The following PREPL variants were observed in gnomAD, a reference collection of about 807,000 sequenced individuals.
The protein encoded by PREPL is prolyl endopeptidase-like.
Under a neutral mutation model 70.6 loss-of-function variants are expected in PREPL, and 77 were observed. The ratio of observed to expected loss-of-function variants is 1.09; its 90% CI spans 0.91 to 1.32. PREPL has a LOEUF of 1.32. PREPL is among the 40% of genes most tolerant of loss of function. The pLI, the probability that PREPL is intolerant of heterozygous loss-of-function variation, is 0.00. For missense variants in PREPL, 1,002 were observed against 778.2 expected, an observed-to-expected ratio of 1.29 and a Z score of -3.42; for synonymous variants, 315 against 264.8, an observed-to-expected ratio of 1.19 and a Z score of -1.84.
At position 44,332,666 on chromosome 2, in the gene PREPL, T is replaced by A; in HGVS notation, c.889-10A>T. On this transcript the variant is annotated splice_polypyrimidine_tract_variant and intron_variant, in intron 7 of 13. Coordinates refer to ENST00000409411, the MANE Select transcript of PREPL (RefSeq NM_001171613.2). ...AGGCCCAAGGAGGGAGCTAAAGAAA[T>A]ACAACAGCTATTTTTATTCTTTATT... 1 of 1,585,178 alleles carries A rather than the reference T, an allele frequency of 6.3e-7. No homozygotes were observed. Among genetic ancestry groups the A allele is most frequent in the Non-Finnish European group, 8.6e-7 (1 of 1,163,476 alleles).
At chr2:44,341,868 T>C (rs1333786929) in intron 5 of PREPL, among the ~76,000 whole-genome samples, 1 of 152,122 alleles carries the variant, frequency 6.6e-6, no homozygotes, top group Admixed American at 6.5e-5. Flanking sequence ...AGCACAATAA[T>C]ACATTTTTGA....
At chr2:44,327,033 G>T in intron 9 of PREPL, 105 bp from the exon 10 acceptor site, 1 of 924,906 alleles carries the variant, frequency 1.1e-6, no homozygotes, top group Middle Eastern at 2.2e-4. Flanking sequence ...TGGCCCTGGA[G>T]CTAAGACTGG....
intron 7 of PREPL, among the ~76,000 whole-genome samples, chr2:44,335,063 T>A (rs1220174331): frequency 2.6e-5 from 4 of 152,194 alleles, no homozygotes; most frequent in Non-Finnish European, 5.9e-5. Flanking sequence ...ATATACCAGG[T>A]ACTAACCAGA....
At position 44,343,919 on chromosome 2, in the gene PREPL, A is replaced by C; in HGVS notation, c.175T>G (p.Leu59Val). 6.2e-7 allele frequency: 1 copy of C among 1,614,042 alleles called. No individual in the cohort carries two copies. The highest frequency in any genetic ancestry group is 8.5e-7 in the Non-Finnish European group (1 of 1,179,944). Residue 59 changes from leucine to valine, a missense_variant, in exon 4 of 14, where the codon TTG becomes GTG. Physicochemically the swap from Leu to Val is conservative, Grantham distance 32. Coordinates refer to ENST00000409411, the MANE Select transcript of PREPL (RefSeq NM_001171613.2). ...GGCTGGTCTAACTTAAGTTCCTCCA[A>C]ATTGAATAAAACTTCATAATTATCA... is the stretch of plus-strand genomic sequence containing the variant. Reference protein sequence around the residue: ...DNDNYEVLFNLEELKLDQPFI... With the variant: ...DNDNYEVLFNVEELKLDQPFI...
intron 7 of PREPL, 147 bp from the exon 8 acceptor site, chr2:44,332,803 T>C: frequency 3.2e-6 from 2 of 621,902 alleles, no homozygotes; most frequent in South Asian, 4.7e-5. Context: ...GATTACTTTA[T>C]CACAACAACA....
intron 2 of PREPL, 57 bp from the exon 3 acceptor site, chr2:44,344,643 C>A: frequency 7.6e-7 from 1 of 1,308,846 alleles, no homozygotes; most frequent in African/African-American, 1.5e-5. Flanking sequence ...TTTTCATAGT[C>A]TGACTATTCA....
chr2:44,322,638 A>G, intron 12 of PREPL, 93 bp downstream of exon 12: 1 of 1,462,930 alleles, frequency 6.8e-7, no homozygotes, highest in Non-Finnish European at 9.2e-7. Context: ...TGGGCAGATG[A>G]TTTGGCTACA....
intron 5 of PREPL, 45 bp from the exon 6 acceptor site, chr2:44,339,408 G>T: frequency 6.2e-7 from 1 of 1,600,860 alleles, no homozygotes; most frequent in Non-Finnish European, 8.5e-7. Flanking sequence ...TATTTCAGAT[G>T]CATGCTACCT....
intron 13 of PREPL, 97 bp from the exon 14 acceptor site, chr2:44,321,542 G>T: frequency 6.6e-7 from 1 of 1,523,006 alleles, no homozygotes. Flanking sequence ...ACCTAACCGT[G>T]AAGTCAGCAA....
chr2:44,326,452 C>T (rs953947330), intron 10 of PREPL, among the ~76,000 whole-genome samples: 1 of 148,050 alleles, frequency 6.8e-6, no homozygotes, highest in Non-Finnish European at 1.5e-5. Flanking sequence ...TCCACTGCAG[C>T]CTCAACCTCT....
chr2:44,337,701 T>G (rs575284843), intron 7 of PREPL, among the ~76,000 whole-genome samples: 5 of 152,188 alleles, frequency 3.3e-5, no homozygotes, highest in Non-Finnish European at 5.9e-5. Flanking sequence ...GGCAATAAGG[T>G]TGTCATTCAC....
chr2:44,321,385 C>T lies in PREPL; in HGVS notation c.1888G>A (p.Glu630Lys), dbSNP rs892455452. Residue 630 changes from glutamate (E) to lysine (K), a missense_variant, in exon 14 of 14, where the codon GAG becomes AAG. Physicochemically the swap from Glu to Lys is moderately conservative, Grantham distance 56. Transcript: ENST00000409411. Reference protein sequence around the residue: ...ELGLDSTSVFEDLKKYLKF With the variant: ...ELGLDSTSVFKDLKKYLKF ...AATTTCAGGTATTTCTTAAGATCCT[C>T]GAAAACACTGGTGCTGTCAAGTCCA... 30 of 1,611,948 alleles carry T rather than the reference C, an allele frequency of 1.9e-5. No individual in the cohort carries two copies. The highest frequency in any genetic ancestry group is 2.2e-5 in the East Asian group (1 of 44,862).
chr2:44,351,679 A>G (rs1676455804), intron 1 of PREPL, among the ~76,000 whole-genome samples: 2 of 152,116 alleles, frequency 1.3e-5, no homozygotes, highest in South Asian at 4.1e-4. Context: ...TTCTACTTTC[A>G]ACATATATTT....
At chr2:44,326,660 A>G (rs1326467100) in intron 10 of PREPL, 52 bp downstream of exon 10, 1 of 1,558,822 alleles carries the variant, frequency 6.4e-7, no homozygotes, top group South Asian at 1.1e-5. Context: ...AGAGTAGCCT[A>G]TGGCTTCACA....
In PREPL at chr2:44,321,845, A is replaced by T; in HGVS notation, c.1809T>A (p.Ile603=). The T allele has an allele frequency of 1.9e-6, 3 of 1,613,788 alleles. No individual in the cohort carries two copies. In the East Asian group the frequency reaches 6.7e-5, roughly 36 times the overall value. ...LDIQPGGNHV[I]EDSHKKITAQ... The stretch of plus-strand genomic sequence containing the variant: ...AACATACCTTTTTGTGAGAATCCTC[A>T]ATTACATGATTGCCTCCAGGCTGAA... Residue 603 remains isoleucine, a synonymous_variant, in exon 13 of 14, where the codon ATT becomes ATA. Coordinates refer to ENST00000409411, the MANE Select transcript of PREPL (RefSeq NM_001171613.2).
Position 44,352,369 on chromosome 2 carries a change from T to C in PREPL, c.-48-5979A>G, listed in dbSNP as rs149721921. On this transcript the variant is annotated intron_variant, in intron 1 of 13. Coordinates refer to ENST00000409411, the MANE Select transcript of PREPL (RefSeq NM_001171613.2). ...ACCTCTGCCTCCTGGGCTCAAGCAA[T>C]TGATCCTTGATCTCAGCTCTCAAGT... 4.0e-4 allele frequency among the ~76,000 whole-genome samples: 61 copies of C among 152,234 alleles called. 1 individual carries two copies. The East Asian group carries it at 0.012, about 29-fold the overall frequency.
At chr2:44,354,910 T>C (rs969446300) in intron 1 of PREPL, among the ~76,000 whole-genome samples, 4 of 152,142 alleles carry the variant, frequency 2.6e-5, no homozygotes, top group African/African-American at 9.7e-5. Flanking sequence ...ATCAGTAAGA[T>C]TACATACATG....
At position 44,320,063 on chromosome 2, in the gene PREPL, G is replaced by A. The variant is rs940131125; in HGVS notation, c.*1293C>T. 7.4e-6 allele frequency: 5 copies of A among 671,768 alleles called. No individual in the cohort carries two copies. The highest frequency in any genetic ancestry group is 1.3e-5 in the Non-Finnish European group (5 of 396,002). 41.6% of individuals were successfully genotyped at this position (671,768 alleles called of 1,614,324 possible). A position where few individuals can be genotyped will look rare whatever the true frequency, so the allele number is the denominator to read the frequency against. ...AAATTGTTCTTACCTACTTATTGATGCTTACAATTTGGCAATTATAAGGGG... is the reference window on the plus strand; with the variant it reads ...AAATTGTTCTTACCTACTTATTGATACTTACAATTTGGCAATTATAAGGGG... On this transcript the variant is annotated 3_prime_UTR_variant, in exon 14 of 14. Coordinates refer to ENST00000409411, the MANE Select transcript of PREPL (RefSeq NM_001171613.2).
intron 5 of PREPL, among the ~76,000 whole-genome samples, chr2:44,340,287 A>G (rs962024818): frequency 6.6e-6 from 1 of 152,146 alleles, no homozygotes; most frequent in Non-Finnish European, 1.5e-5. Flanking sequence ...TATTTTCCCA[A>G]GACAAATTTT....
Sources: allele counts gnomAD v4.1 joint callset (sites outside exome capture counted in the v4.1 genomes callset), GRCh38; gene constraint gnomAD v4.1.1; transcripts MANE v1.5; gene names NCBI Gene and HGNC (gene_info 2026-07-23, HGNC 2026-07-21).